The following CAMTA1 variants were observed in gnomAD, a reference collection of about 807,000 sequenced individuals.
CAMTA1 encodes the protein calmodulin binding transcription activator 1.
Under a neutral mutation model 170.9 loss-of-function variants are expected in CAMTA1, and 27 were observed. The observed-to-expected ratio is 0.16, with a 90% CI of 0.12 to 0.22. The LOEUF (loss-of-function observed/expected upper bound fraction) is 0.22. CAMTA1 is among the 10% of genes least tolerant of loss of function. The pLI, the probability that CAMTA1 is intolerant of heterozygous loss-of-function variation, is 1.00. For missense variants in CAMTA1, 1,619 were observed against 2,217.2 expected (o/e 0.73, Z 5.42); for synonymous variants, 833 against 891.5 (o/e 0.93, Z 1.17).
At chr1:7,739,640 A>T (rs2096796596) in intron 16 of CAMTA1, among the ~76,000 whole-genome samples, 1 of 152,218 alleles carries the variant, frequency 6.6e-6, no homozygotes, top group East Asian at 1.9e-4. Flanking sequence ...GCAAGAGAGA[A>T]TGAGAGCCGA....
At chr1:6,904,311 A>G (rs187215046) in intron 3 of CAMTA1, among the ~76,000 whole-genome samples, 1 of 152,098 alleles carries the variant, frequency 6.6e-6, no homozygotes, top group East Asian at 1.9e-4. Flanking sequence ...TTGAAAGGAG[A>G]CCTGTCTCTC....
chr1:7,488,433 G>C (rs572900282), intron 6 of CAMTA1, among the ~76,000 whole-genome samples: 19 of 152,142 alleles, frequency 1.2e-4, no homozygotes, highest in Middle Eastern at 6.8e-3. Flanking sequence ...CCCTGAGAGG[G>C]GCTGGGATCA....
intron 6 of CAMTA1, among the ~76,000 whole-genome samples, chr1:7,541,021 C>A (rs1327913956): frequency 6.6e-6 from 1 of 152,246 alleles, no homozygotes; most frequent in Non-Finnish European, 1.5e-5. Context: ...CAGGGTCCCT[C>A]CGCACACTGG....
At chr1:6,972,545 C>T (rs1692730885) in intron 3 of CAMTA1, among the ~76,000 whole-genome samples, 1 of 152,154 alleles carries the variant, frequency 6.6e-6, no homozygotes, top group Admixed American at 6.5e-5. Context: ...AGGGTGCTGA[C>T]CAGGCAACAC....
chr1:7,628,005 C>T (rs766469328), intron 6 of CAMTA1, among the ~76,000 whole-genome samples: 8 of 152,128 alleles, frequency 5.3e-5, no homozygotes, highest in Non-Finnish European at 1.2e-4. Context: ...GGAACTAAGG[C>T]TCATGGGCGA....
At chr1:6,816,023 C>T (rs556702683) in intron 1 of CAMTA1, among the ~76,000 whole-genome samples, 2 of 152,094 alleles carry the variant, frequency 1.3e-5, no homozygotes, top group South Asian at 4.2e-4. Context: ...CACTTGGGGA[C>T]CTTTAAAAAA....
At chr1:7,047,827 G>A (rs1488505319) in intron 3 of CAMTA1, among the ~76,000 whole-genome samples, 1 of 151,920 alleles carries the variant, frequency 6.6e-6, no homozygotes, top group Non-Finnish European at 1.5e-5. Context: ...TCCGAGCAGG[G>A]GATATGCCTG....
At chr1:6,862,986 T>G (rs549286055) in intron 3 of CAMTA1, among the ~76,000 whole-genome samples, 3 of 152,386 alleles carry the variant, frequency 2.0e-5, no homozygotes, top group Non-Finnish European at 4.4e-5. Context: ...AATTTGTTTC[T>G]GAAGGAAATG....
Position 7,224,865 on chromosome 1 carries a change from A to G in CAMTA1, c.303-24626A>G, listed in dbSNP as rs1661422112. Among the ~76,000 whole-genome samples the G allele has an allele frequency of 6.6e-6, 1 of 152,032 alleles. No individual in the cohort carries two copies. The highest frequency in any genetic ancestry group is 2.1e-4 in the South Asian group (1 of 4,806). On this transcript the variant is annotated intron_variant, in intron 4 of 22. Transcript: ENST00000303635. The surrounding 1 kb of genome is among the most constrained non-coding windows in gnomAD (Gnocchi z 5.2). ...CCGCACTTCAGCTTCCCTTGCTGCCACCTGCATGGGCTGCTGCCCTGATGA... is the reference window on the plus strand; with the variant it reads ...CCGCACTTCAGCTTCCCTTGCTGCCGCCTGCATGGGCTGCTGCCCTGATGA...
intron 10 of CAMTA1, among the ~76,000 whole-genome samples, chr1:7,671,369 G>T (rs1364154571): frequency 6.6e-6 from 1 of 152,214 alleles, no homozygotes; most frequent in African/African-American, 2.4e-5. Flanking sequence ...CAGCCCAAAG[G>T]GTGACTAGAG....
At chr1:7,255,938 C>A (rs1436144064) in intron 5 of CAMTA1, among the ~76,000 whole-genome samples, 3 of 152,198 alleles carry the variant, frequency 2.0e-5, no homozygotes, top group African/African-American at 7.2e-5. Flanking sequence ...TGGCTTCAAG[C>A]CCTGCTGGTT....
Position 7,005,098 on chromosome 1 carries a change from G to A in CAMTA1, c.235-86206G>A, listed in dbSNP as rs971011726. Among the ~76,000 whole-genome samples, 11 of 152,356 alleles carry A rather than the reference G, an allele frequency of 7.2e-5. No homozygotes were observed. In the East Asian group the frequency reaches 1.5e-3, roughly 21 times the overall value. ...CAAAGTTTTTTAGTTTGAAAAAGTT[G>A]TAAACCTACAGAGAAGCTGCAAGAT... On this transcript the variant is annotated intron_variant, in intron 3 of 22. Transcript: ENST00000303635.
intron 22 of CAMTA1, among the ~76,000 whole-genome samples, chr1:7,763,662 G>A (rs2096993575): frequency 6.6e-6 from 1 of 152,198 alleles, no homozygotes; most frequent in African/African-American, 2.4e-5. Flanking sequence ...CTGACCAGCT[G>A]ATTATAGATT....
intron 6 of CAMTA1, among the ~76,000 whole-genome samples, chr1:7,542,024 AT>A (rs933489889): frequency 9.2e-5 from 14 of 151,626 alleles, no homozygotes; most frequent in Middle Eastern, 3.4e-3. Context: ...ATGAATGGCT[AT>A]TTTTTTTTAA....
intron 3 of CAMTA1, among the ~76,000 whole-genome samples, chr1:7,088,205 C>T (rs916120064): frequency 6.6e-6 from 1 of 152,190 alleles, no homozygotes; most frequent in African/African-American, 2.4e-5. Context: ...AAAGGCTTCT[C>T]TCAGAGGGGC....
intron 3 of CAMTA1, among the ~76,000 whole-genome samples, chr1:7,073,981 TGG>T (rs937606773): frequency 6.6e-6 from 1 of 152,206 alleles, no homozygotes; most frequent in African/African-American, 2.4e-5. Context: ...GAGATGTTAT[TGG>T]AAACTCAGTG....
intron 3 of CAMTA1, among the ~76,000 whole-genome samples, chr1:7,018,304 T>C (rs7543753): frequency 0.2 from 30,674 of 151,876 alleles, 4,159 homozygotes; most frequent in African/African-American, 0.39. Context: ...AAAGAAGTCA[T>C]GGAGGCAGTG....
At chr1:7,468,064 A>G (rs745767590) in intron 6 of CAMTA1, among the ~76,000 whole-genome samples, 163 bp downstream of exon 6, 1 of 152,182 alleles carries the variant, frequency 6.6e-6, no homozygotes, top group Non-Finnish European at 1.5e-5. Context: ...AGGCCAGCTC[A>G]GTGGCTGGGC....
intron 6 of CAMTA1, among the ~76,000 whole-genome samples, chr1:7,608,626 G>C (rs546546985): frequency 6.6e-6 from 1 of 152,336 alleles, no homozygotes; most frequent in African/African-American, 2.4e-5. Flanking sequence ...GCTTGTGTCT[G>C]TCCCCTTGGC....
Sources: allele counts gnomAD v4.1 joint callset (sites outside exome capture counted in the v4.1 genomes callset), GRCh38; gene constraint gnomAD v4.1.1; non-coding constraint Gnocchi (gnomAD v3.1); transcripts MANE v1.5; gene names NCBI Gene and HGNC (gene_info 2026-07-23, HGNC 2026-07-21).